The following ADGRB3 variants were observed in gnomAD, a reference collection of about 807,000 sequenced individuals.
ADGRB3 encodes adhesion G protein-coupled receptor B3, also known as brain-specific angiogenesis inhibitor 3.
In ADGRB3, 37 loss-of-function variants were observed where a neutral mutation model predicts 193.4. The ratio of observed to expected loss-of-function variants is 0.19; its 90% CI spans 0.15 to 0.25. The LOEUF is 0.25. Ranked by LOEUF, ADGRB3 falls within the 10% of genes least tolerant of loss-of-function variation. The pLI is 1.00. For synonymous variants in ADGRB3, 690 were observed against 644.2 expected, an observed-to-expected ratio of 1.07 and a Z score of -1.08; for missense variants, 1,637 against 1,852.9, an observed-to-expected ratio of 0.88 and a Z score of 2.14.
chr6:69,336,878 T>C (rs1265896003), intron 24 of ADGRB3, among the ~76,000 whole-genome samples: 1 of 152,112 alleles, frequency 6.6e-6, no homozygotes, highest in African/African-American at 2.4e-5. Flanking sequence ...ACATTACATG[T>C]CTCTAGGTAA....
chr6:69,007,591 CTT>C (rs1315574029), intron 11 of ADGRB3, among the ~76,000 whole-genome samples: 1 of 151,910 alleles, frequency 6.6e-6, no homozygotes, highest in Non-Finnish European at 1.5e-5. Context: ...GTGGCTGTCT[CTT>C]TATTATTCTG....
intron 3 of ADGRB3, among the ~76,000 whole-genome samples, chr6:68,866,627 A>C (rs1386635297): frequency 6.6e-6 from 1 of 152,206 alleles, no homozygotes; most frequent in African/African-American, 2.4e-5. Context: ...GATGAGTGAA[A>C]GTTTGGAATT....
chr6:69,009,716 C>T (rs1769876540), intron 11 of ADGRB3, among the ~76,000 whole-genome samples: 1 of 152,060 alleles, frequency 6.6e-6, no homozygotes, highest in Admixed American at 6.6e-5. Context: ...GTCAGAGTCA[C>T]TGTAATTCTT....
At position 68,909,021 on chromosome 6, in the gene ADGRB3, A is replaced by G. The variant is rs9446068; in HGVS notation, c.758-21538A>G. Among the ~76,000 whole-genome samples the G allele has an allele frequency of 8.8e-3, 1,345 of 152,270 alleles. 33 individuals carry two copies. Among genetic ancestry groups the G allele is most frequent in the African/African-American group, 0.031 (1,285 of 41,558 alleles). On this transcript the variant is annotated intron_variant, in intron 3 of 31. Transcript: ENST00000370598. ...TCCTGTCAATATCCTATTTGGGATG[A>G]CCAATAAATGGTGCCCTTTTTTCCT...
chr6:69,184,548 T>G (rs977566068), intron 17 of ADGRB3, among the ~76,000 whole-genome samples: 1 of 152,080 alleles, frequency 6.6e-6, no homozygotes, highest in Non-Finnish European at 1.5e-5. Context: ...TCCTAAAACA[T>G]GTATAAAATC....
At chr6:69,362,953 A>G (rs1439604566) in intron 29 of ADGRB3, among the ~76,000 whole-genome samples, 1 of 152,018 alleles carries the variant, frequency 6.6e-6, no homozygotes, top group South Asian at 2.1e-4. Flanking sequence ...AATCATAATG[A>G]CTATATGGAA....
At chr6:68,697,407 C>G (rs1765175171) in intron 3 of ADGRB3, among the ~76,000 whole-genome samples, 1 of 151,804 alleles carries the variant, frequency 6.6e-6, no homozygotes, top group Non-Finnish European at 1.5e-5. Context: ...AGCATGTAAA[C>G]TCATTTATAT....
rs144673388 is a variant in ADGRB3, at chr6:68,989,174, A to G, written c.1735-4594A>G. Among the ~76,000 whole-genome samples, 681 of 152,312 alleles carry G rather than the reference A, an allele frequency of 4.5e-3. 7 individuals carry two copies. The highest frequency in any genetic ancestry group is 0.016 in the African/African-American group (659 of 41,580). On this transcript the variant is annotated intron_variant, in intron 10 of 31. Coordinates refer to ENST00000370598, the MANE Select transcript of ADGRB3 (RefSeq NM_001704.3). Reference sequence around the variant, plus strand: ...AGAAGAATCAGCAAATGCAGGAATCAGGAGACTCAGCAAAACAAGAAATTT... The same window carrying G: ...AGAAGAATCAGCAAATGCAGGAATCGGGAGACTCAGCAAAACAAGAAATTT...
At chr6:68,816,199 A>C (rs1767628360) in intron 3 of ADGRB3, among the ~76,000 whole-genome samples, 1 of 152,036 alleles carries the variant, frequency 6.6e-6, no homozygotes, top group African/African-American at 2.4e-5. Context: ...ATAAGCACTG[A>C]TCCGTATATG....
At chr6:68,796,445 T>G (rs1163508413) in intron 3 of ADGRB3, among the ~76,000 whole-genome samples, 1 of 152,200 alleles carries the variant, frequency 6.6e-6, no homozygotes, top group East Asian at 1.9e-4. Flanking sequence ...TTTGTCATTC[T>G]TTTGAGATAT....
chr6:69,085,155 C>T (rs1302359915), intron 17 of ADGRB3, among the ~76,000 whole-genome samples: 1 of 152,114 alleles, frequency 6.6e-6, no homozygotes, highest in African/African-American at 2.4e-5. Context: ...TCATCAGTGT[C>T]TCTACTGTGT....
intron 17 of ADGRB3, among the ~76,000 whole-genome samples, chr6:69,210,754 T>C (rs2127239070): frequency 6.6e-6 from 1 of 152,048 alleles, no homozygotes; most frequent in Non-Finnish European, 1.5e-5. Context: ...TCAACATGCG[T>C]TTTGGAGGGG....
chr6:69,258,150 A>G (rs1258737857), intron 20 of ADGRB3, among the ~76,000 whole-genome samples: 1 of 152,158 alleles, frequency 6.6e-6, no homozygotes, highest in Non-Finnish European at 1.5e-5. Context: ...GCAGAGAAGG[A>G]TGAAAAAAAT....
chr6:68,680,341 G>A (rs1764871565), intron 3 of ADGRB3, among the ~76,000 whole-genome samples: 1 of 152,096 alleles, frequency 6.6e-6, no homozygotes, highest in South Asian at 2.1e-4. Context: ...AAAGATAGAG[G>A]CAGTAAAAAT....
At chr6:69,315,406 T>C (rs1262003449) in intron 20 of ADGRB3, among the ~76,000 whole-genome samples, 3 of 151,556 alleles carry the variant, frequency 2.0e-5, no homozygotes. Context: ...TCAAACATCT[T>C]CAAATGTGCT....
At chr6:68,859,016 T>G (rs1167612833) in intron 3 of ADGRB3, among the ~76,000 whole-genome samples, 1 of 152,106 alleles carries the variant, frequency 6.6e-6, no homozygotes, top group Admixed American at 6.5e-5. Context: ...TATTTTCTAC[T>G]ACATCATCAA....
chr6:68,694,088 G>A (rs763751009), intron 3 of ADGRB3, among the ~76,000 whole-genome samples: 7 of 151,952 alleles, frequency 4.6e-5, no homozygotes, highest in Non-Finnish European at 8.8e-5. Context: ...AGGACTGGAT[G>A]TTCTATACTA....
chr6:69,167,377 G>A (rs1472068396), intron 17 of ADGRB3, among the ~76,000 whole-genome samples: 1 of 152,028 alleles, frequency 6.6e-6, no homozygotes, highest in Non-Finnish European at 1.5e-5. Context: ...TATATTAGAA[G>A]GAACACATTT....
chr6:69,207,083 G>A (rs1455198891), intron 17 of ADGRB3, among the ~76,000 whole-genome samples: 2 of 152,134 alleles, frequency 1.3e-5, no homozygotes, highest in East Asian at 3.8e-4. Context: ...AGCCAACACT[G>A]TTACTCCCTT....
Sources: gnomAD v4.1 joint callset for allele counts (sites outside exome capture counted in the v4.1 genomes callset) on GRCh38, gnomAD v4.1.1 for gene constraint, MANE v1.5 for transcripts, NCBI Gene and HGNC (gene_info 2026-07-23, HGNC 2026-07-21) for gene names.